The following FSD1L variants were observed in gnomAD, a reference collection of about 807,000 sequenced individuals.
FSD1L encodes the protein fibronectin type III and SPRY domain containing 1 like.
Under a neutral mutation model 71.6 loss-of-function variants are expected in FSD1L, and 45 were observed. That is an observed-to-expected ratio of 0.63 (90% confidence interval 0.49 to 0.81). The LOEUF (loss-of-function observed/expected upper bound fraction) is 0.81. Among genes scored for constraint, FSD1L ranks in the 30% least tolerant of loss-of-function variants. The pLI is 0.00. For missense variants in FSD1L, 561 were observed against 618.1 expected (o/e 0.91, Z 0.98); for synonymous variants, 197 against 207.2 (o/e 0.95, Z 0.42).
chr9:105,494,029 T>C (rs1344964810), intron 7 of FSD1L, among the ~76,000 whole-genome samples: 1 of 152,208 alleles, frequency 6.6e-6, no homozygotes, highest in Non-Finnish European at 1.5e-5. Context: ...CTGTATTTCC[T>C]TAATCTGAAT....
At chr9:105,457,764 G>A (rs560262019) in intron 1 of FSD1L, among the ~76,000 whole-genome samples, 1 of 152,358 alleles carries the variant, frequency 6.6e-6, no homozygotes, top group Admixed American at 6.5e-5. Flanking sequence ...GGAGCAGTGA[G>A]GGGTGTGTGA....
intron 10 of FSD1L, 73 bp downstream of exon 10, chr9:105,513,009 T>C: frequency 2.3e-6 from 3 of 1,286,310 alleles, no homozygotes; most frequent in East Asian, 2.8e-5. Context: ...ATAACTTTTA[T>C]TGAAATTCTT....
At position 105,546,513 on chromosome 9, in the gene FSD1L, CT is replaced by C. The variant is rs1837015782; in HGVS notation, c.*32del. ...TACTCAGAATACGTTTACCCTCCGTCTTGATTAGGTGGCCTTTTCTGTGCAG... is the reference window on the plus strand; with the variant it reads ...TACTCAGAATACGTTTACCCTCCGTCTGATTAGGTGGCCTTTTCTGTGCAG... On this transcript the variant is annotated 3_prime_UTR_variant, in exon 14 of 14. Transcript: ENST00000481272. 1 of 1,500,002 alleles carries C rather than the reference CT, an allele frequency of 6.7e-7. No homozygotes were observed. The highest frequency in any genetic ancestry group is 2.5e-5 in the Admixed American group (1 of 40,758). The allele number at this position is 1,500,002 out of a possible 1,614,324, so 92.9% of individuals were successfully genotyped here.
chr9:105,465,729 C>T (rs1389321446), intron 3 of FSD1L, among the ~76,000 whole-genome samples: 1 of 152,154 alleles, frequency 6.6e-6, no homozygotes, highest in Non-Finnish European at 1.5e-5. Context: ...AGACTCTCAA[C>T]AAATTAGGTG....
At chr9:105,526,959 A>T (rs1398340285) in intron 10 of FSD1L, among the ~76,000 whole-genome samples, 4 of 150,756 alleles carry the variant, frequency 2.7e-5, no homozygotes, top group African/African-American at 9.8e-5. Flanking sequence ...AAGCATTTGT[A>T]AAGTTACAGC....
In FSD1L at chr9:105,535,177, T is replaced by C. The variant is rs567020632; in HGVS notation, c.1237T>C (p.Leu413=). Residue 413 remains leucine, a synonymous_variant, in exon 12 of 14, where the codon TTG becomes CTG. Coordinates refer to ENST00000481272, the MANE Select transcript of FSD1L (RefSeq NM_001145313.3). ...CAAAACGTTGGGGAAATTTGACCAA[T>C]TGGGAAAGACAAACACTAGTTGGTG... The part of the protein sequence containing the change: ...AYKTLGKFDQ[L]GKTNTSWCIH... The C allele has an allele frequency of 3.9e-6, 6 of 1,552,046 alleles. No homozygotes were observed. The highest frequency in any genetic ancestry group is 1.2e-5 in the South Asian group (1 of 84,060).
chr9:105,508,837 C>T (rs1418569239), intron 9 of FSD1L, 122 bp downstream of exon 9: 8 of 567,870 alleles, frequency 1.4e-5, no homozygotes, highest in African/African-American at 1.4e-4. Flanking sequence ...CCTAGCCTAG[C>T]TTTCTCAACA....
Position 105,471,990 on chromosome 9 carries a change from T to C in FSD1L, c.426T>C (p.Pro142=). The C allele has an allele frequency of 7.0e-7, 1 of 1,437,584 alleles. No individual in the cohort carries two copies. The highest frequency in any genetic ancestry group is 3.0e-5 in the East Asian group (1 of 33,840). 89.1% of individuals were successfully genotyped at this position (1,437,584 alleles called of 1,614,324 possible). A position where few individuals can be genotyped will look rare whatever the true frequency, so the allele number is the denominator to read the frequency against. ...CAAGGTCATTAGATATAAAGGAACCTGAAGAATTTTCAAAGGTACACAAAA... is the reference window on the plus strand; with the variant it reads ...CAAGGTCATTAGATATAAAGGAACCCGAAGAATTTTCAAAGGTACACAAAA... ...FATRSLDIKE[P]EEFSKAARQI... is the part of the protein sequence containing the mutation. Residue 142 remains proline, a synonymous_variant, in exon 5 of 14, where the codon CCT becomes CCC. Transcript: ENST00000481272.
chr9:105,452,227 C>G (rs1398848526), intron 1 of FSD1L, among the ~76,000 whole-genome samples: 1 of 152,160 alleles, frequency 6.6e-6, no homozygotes, highest in Non-Finnish European at 1.5e-5. Flanking sequence ...TCTGAGAACC[C>G]CACCACATCC....
chr9:105,510,377 C>T (rs1834323941), intron 9 of FSD1L, among the ~76,000 whole-genome samples: 1 of 152,186 alleles, frequency 6.6e-6, no homozygotes, highest in Admixed American at 6.5e-5. Flanking sequence ...TATTCCATAG[C>T]ATTAGTGGGG....
intron 12 of FSD1L, among the ~76,000 whole-genome samples, chr9:105,536,192 C>T (rs1215215814): frequency 6.6e-6 from 1 of 152,196 alleles, no homozygotes; most frequent in African/African-American, 2.4e-5. Flanking sequence ...CATTGTTGGA[C>T]AGCTCTTGGT....
At chr9:105,526,025 T>A (rs1835484879) in intron 10 of FSD1L, 1 of 1,513,784 alleles carries the variant, frequency 6.6e-7, no homozygotes, top group Non-Finnish European at 9.2e-7. Flanking sequence ...CCCACAGAAT[T>A]TGGTGATGTC....
rs1242251765 is a variant in FSD1L at position 105,551,907 on chromosome 9, CTTG to C, written c.*5429_*5431del. On this transcript the variant is annotated 3_prime_UTR_variant, in exon 14 of 14. Coordinates refer to ENST00000481272, the MANE Select transcript of FSD1L (RefSeq NM_001145313.3). ...TCCAAACAACCAAATGGCTGGGCAG[CTTG>C]TTGTCACGGATAAATGATATAAAAT... 1 of 152,156 alleles carries C rather than the reference CTTG, an allele frequency of 6.6e-6. No homozygotes were observed. The highest frequency in any genetic ancestry group is 2.4e-5 in the African/African-American group (1 of 41,446). The allele number at this position is 152,156 out of a possible 1,614,324, so 9.4% of individuals were successfully genotyped here. A position where few individuals can be genotyped will look rare whatever the true frequency, so the allele number is the denominator to read the frequency against.
chr9:105,524,989 G>T (rs1256778540), intron 10 of FSD1L: 33 of 1,595,946 alleles, frequency 2.1e-5, no homozygotes, highest in Non-Finnish European at 2.7e-5. Flanking sequence ...AAGAGAATAT[G>T]CCTGGAGGAG....
At chr9:105,497,842 TTTTTG>T (rs1157506068) in intron 7 of FSD1L, among the ~76,000 whole-genome samples, 3 of 152,124 alleles carry the variant, frequency 2.0e-5, no homozygotes, top group South Asian at 2.1e-4. Flanking sequence ...CTGTTCTTGT[TTTTTG>T]TTTGTTTGTT....
intron 7 of FSD1L, among the ~76,000 whole-genome samples, chr9:105,500,167 C>G (rs1432184730): frequency 6.6e-6 from 1 of 152,176 alleles, no homozygotes; most frequent in Non-Finnish European, 1.5e-5. Flanking sequence ...TCTGATAATT[C>G]CAGCATTTCT....
chr9:105,539,149 C>A, intron 12 of FSD1L, 114 bp from the exon 13 acceptor site: 1 of 593,722 alleles, frequency 1.7e-6, no homozygotes, highest in Non-Finnish European at 2.9e-6. Context: ...AGTCCTCATA[C>A]AAAAATTAAT....
At chr9:105,477,193 G>A (rs889250298) in intron 5 of FSD1L, among the ~76,000 whole-genome samples, 4 of 152,048 alleles carry the variant, frequency 2.6e-5, no homozygotes, top group Admixed American at 2.0e-4. Flanking sequence ...TTTAAAAAAC[G>A]GTAATCGTCT....
rs1430605490 is a variant in FSD1L, at chr9:105,448,128, AGTGAGTAGCG to A, written c.-90_-81del. ...GTGCCGGTGCGGGCTGGGGCAGTGC[AGTGAGTAGCG>A]GTCTTGGGGTGTGCGATCTCGCTGA... On this transcript the variant is annotated 5_prime_UTR_variant, in exon 1 of 14. Coordinates refer to ENST00000481272, the MANE Select transcript of FSD1L (RefSeq NM_001145313.3). 1 of 1,323,838 alleles carries A rather than the reference AGTGAGTAGCG, an allele frequency of 7.6e-7. No homozygotes were observed. The highest frequency in any genetic ancestry group is 1.1e-6 in the Non-Finnish European group (1 of 946,214). 82.0% of individuals were successfully genotyped at this position (1,323,838 alleles called of 1,614,324 possible).
Sources: gnomAD v4.1 joint callset for allele counts (sites outside exome capture counted in the v4.1 genomes callset) on GRCh38, gnomAD v4.1.1 for gene constraint, MANE v1.5 for transcripts, NCBI Gene and HGNC (gene_info 2026-07-23, HGNC 2026-07-21) for gene names.